Variants in CRYBG1 observed in about 807,000 individuals in gnomAD.
The protein encoded by CRYBG1 is crystallin beta-gamma domain containing 1.
A neutral mutation model predicts 189.2 loss-of-function variants in CRYBG1; 139 were observed. That is an observed-to-expected ratio of 0.73 (90% CI 0.64 to 0.85). The LOEUF is 0.85. CRYBG1 is among the 40% of genes least tolerant of loss of function. The probability of loss-of-function intolerance (pLI) is 0.00; values close to 1 mark genes in which losing one functional copy is unlikely to be tolerated. For synonymous variants in CRYBG1, 1,023 were observed against 1,017.1 expected, an observed-to-expected ratio of 1.01 and a Z score of -0.11; for missense variants, 2,611 against 2,675.8, an observed-to-expected ratio of 0.98 and a Z score of 0.53.
chr6:106,565,105 G>A (rs1217854661), intron 21 of CRYBG1, among the ~76,000 whole-genome samples: 1 of 152,222 alleles, frequency 6.6e-6, no homozygotes, highest in African/African-American at 2.4e-5. Flanking sequence ...GGATCACGAG[G>A]TCAGGAGATC....
At chr6:106,509,631 C>T (rs783403) in intron 2 of CRYBG1, among the ~76,000 whole-genome samples, 131,239 of 151,840 alleles carry the variant, frequency 0.86, 57,126 homozygotes, top group South Asian at 0.94. Flanking sequence ...GCGCACTTCC[C>T]CGGGAGCTGA....
intron 1 of CRYBG1, among the ~76,000 whole-genome samples, chr6:106,424,892 C>A (rs1257806784): frequency 6.6e-6 from 1 of 152,180 alleles, no homozygotes; most frequent in Non-Finnish European, 1.5e-5. Flanking sequence ...AGACTCCTCA[C>A]CTCTGCCTCA....
Position 106,543,429 on chromosome 6 carries a change from T to C in CRYBG1, c.4882-11T>C, listed in dbSNP as rs778939888. ...CTTACAGATTACTGGTATATCTCAT[T>C]TCTATTGTAGGTAGTTGTTTATGAA... On this transcript the variant is annotated splice_polypyrimidine_tract_variant and intron_variant, in intron 10 of 21. Coordinates refer to ENST00000633556, the MANE Select transcript of CRYBG1 (RefSeq NM_001371242.2). The C allele has an allele frequency of 1.9e-6, 3 of 1,606,976 alleles. No homozygotes were observed. Among genetic ancestry groups the C allele is most frequent in the East Asian group, 4.5e-5 (2 of 44,830 alleles).
chr6:106,447,494 T>C (rs1157260177), intron 1 of CRYBG1, among the ~76,000 whole-genome samples: 2 of 151,200 alleles, frequency 1.3e-5, no homozygotes, highest in Non-Finnish European at 2.9e-5. Flanking sequence ...GATGCCCCAT[T>C]CTTGATGATG....
intron 1 of CRYBG1, among the ~76,000 whole-genome samples, chr6:106,377,837 T>G (rs946157066): frequency 6.6e-6 from 1 of 152,062 alleles, no homozygotes; most frequent in Non-Finnish European, 1.5e-5. Context: ...AAAATTTCCA[T>G]CATTTACCAA....
At chr6:106,483,967 G>T (rs559801019) in intron 2 of CRYBG1, among the ~76,000 whole-genome samples, 1 of 152,074 alleles carries the variant, frequency 6.6e-6, no homozygotes, top group South Asian at 2.1e-4. Context: ...CTTCTAGTAG[G>T]TTCATAGTTT....
In CRYBG1 at chr6:106,361,050, C is replaced by A. The variant is rs1323747529; in HGVS notation, c.142C>A (p.His48Asn). Residue 48 changes from histidine to asparagine, a missense_variant, in exon 1 of 22, where the codon CAC (histidine) becomes AAC (asparagine). Physicochemically the swap from His to Asn is moderately conservative, Grantham distance 68. Around this residue, in one of 3 missense-constraint regions of CRYBG1, gnomAD observed 985 missense variants for 924.4 expected, o/e 1.07. Transcript: ENST00000633556. ...APPDCGVFVP[H>N]PLPAPAGEAR... ...GCCTGACTGTGGGGTGTTCGTTCCG[C>A]ACCCGCTCCCGGCGCCTGCCGGAGA... is the stretch of plus-strand genomic sequence containing the variant. 1.2e-5 allele frequency: 18 copies of A among 1,535,208 alleles called. No individual in the cohort carries two copies. Among genetic ancestry groups the A allele is most frequent in the African/African-American group, 1.4e-5 (1 of 73,156 alleles).
In CRYBG1 at chr6:106,419,573, G is replaced by A. The variant is rs185691308; in HGVS notation, c.174-32121G>A. Among the ~76,000 whole-genome samples, 123 of 152,250 alleles carry A rather than the reference G, an allele frequency of 8.1e-4. 2 individuals are homozygous for A. In the East Asian group the frequency reaches 0.02, roughly 25 times the overall value. On this transcript the variant is annotated intron_variant, in intron 1 of 21. Coordinates refer to ENST00000633556, the MANE Select transcript of CRYBG1 (RefSeq NM_001371242.2). ...AATTGTTAAAATTTTTTGTAGAGAT[G>A]GGGTCTCACTATGTTGCCTAGGCTG... is the stretch of plus-strand genomic sequence containing the variant.
intron 2 of CRYBG1, among the ~76,000 whole-genome samples, chr6:106,489,413 C>A (rs888036894): frequency 6.6e-6 from 1 of 151,682 alleles, no homozygotes; most frequent in African/African-American, 2.4e-5. Context: ...TGTCACAAGA[C>A]CAAAAATTGC....
intron 2 of CRYBG1, among the ~76,000 whole-genome samples, chr6:106,483,376 G>GTATATATATATATATATATATATATA (rs1772511212): frequency 1.7e-5 from 2 of 117,798 alleles, no homozygotes; most frequent in Admixed American, 9.8e-5. Context: ...GTGTGTGTGT[G>GTATATATATATATATATATATATATA]TGTATATATA....
chr6:106,366,945 G>A (rs1195021210), intron 1 of CRYBG1, among the ~76,000 whole-genome samples: 2 of 152,214 alleles, frequency 1.3e-5, no homozygotes, highest in Non-Finnish European at 2.9e-5. Context: ...AAGCTTTGAA[G>A]TACCTTTGAG....
chr6:106,487,000 T>G (rs1772605052), intron 2 of CRYBG1, among the ~76,000 whole-genome samples: 3 of 152,190 alleles, frequency 2.0e-5, no homozygotes, highest in Admixed American at 6.5e-5. Flanking sequence ...CTTTCTCTTT[T>G]TGTTGTTTAC....
intron 4 of CRYBG1, among the ~76,000 whole-genome samples, chr6:106,524,245 T>C (rs1773681236): frequency 6.6e-6 from 1 of 152,186 alleles, no homozygotes; most frequent in African/African-American, 2.4e-5. Flanking sequence ...TGGAGCCATA[T>C]TGAAATGTAT....
At chr6:106,547,547 A>T (rs1486488679) in intron 13 of CRYBG1, among the ~76,000 whole-genome samples, 4 of 152,116 alleles carry the variant, frequency 2.6e-5, no homozygotes, top group African/African-American at 9.7e-5. Context: ...AAGATGATGG[A>T]GGAGGACTAC....
intron 8 of CRYBG1, among the ~76,000 whole-genome samples, chr6:106,530,831 A>G (rs182499615): frequency 2.0e-5 from 3 of 152,354 alleles, no homozygotes; most frequent in African/African-American, 7.2e-5. Flanking sequence ...GATAGAAAGT[A>G]TAGACTGCAA....
rs1315454444 is a variant in CRYBG1 at position 106,570,791 on chromosome 6, C to T, written c.*2225C>T. The T allele has an allele frequency of 6.6e-6, 1 of 151,942 alleles. No individual in the cohort carries two copies. The highest frequency in any genetic ancestry group is 1.5e-5 in the Non-Finnish European group (1 of 68,000). The allele number at this position is 151,942 out of a possible 1,614,324, so 9.4% of individuals were successfully genotyped here. On this transcript the variant is annotated 3_prime_UTR_variant, in exon 22 of 22. Transcript: ENST00000633556. ...CTTTTGCAATAACTCGGTAGTAAGA[C>T]CAGACCAACAATTTTAGAGAAAAGC...
intron 1 of CRYBG1, among the ~76,000 whole-genome samples, chr6:106,400,493 A>T (rs1438408472): frequency 6.6e-6 from 1 of 152,190 alleles, no homozygotes; most frequent in Non-Finnish European, 1.5e-5. Context: ...ATAGAAACAA[A>T]CAACAGAAGC....
chr6:106,478,942 A>T (rs1044200135), intron 2 of CRYBG1, among the ~76,000 whole-genome samples: 2 of 152,198 alleles, frequency 1.3e-5, no homozygotes, highest in African/African-American at 4.8e-5. Context: ...TAGTTGCAGG[A>T]AAAGAAACTC....
At chr6:106,422,749 G>A (rs1184714884) in intron 1 of CRYBG1, among the ~76,000 whole-genome samples, 1 of 152,156 alleles carries the variant, frequency 6.6e-6, no homozygotes, top group Non-Finnish European at 1.5e-5. Context: ...TTATTTGGGG[G>A]ATGTTGAAAG....
Sources: gnomAD v4.1 joint callset for allele counts (sites outside exome capture counted in the v4.1 genomes callset) on GRCh38, gnomAD v4.1.1 for gene constraint, gnomAD v4.1.1 regional missense constraint, MANE v1.5 for transcripts, NCBI Gene and HGNC (gene_info 2026-07-23, HGNC 2026-07-21) for gene names.